MCF2L2: variants seen among roughly 807,000 people sequenced by gnomAD.
MCF2L2 encodes probable guanine nucleotide exchange factor MCF2L2.
A neutral mutation model predicts 150.2 loss-of-function variants in MCF2L2; 102 were observed. That is an observed-to-expected ratio of 0.68 (90% CI 0.58 to 0.80). The LOEUF is 0.80. MCF2L2 is among the 30% of genes least tolerant of loss of function. The pLI, the probability that MCF2L2 is intolerant of heterozygous loss-of-function variation, is 0.00. For synonymous variants in MCF2L2, 465 were observed against 491.3 expected (o/e 0.95, Z 0.71); for missense variants, 1,256 against 1,372.8 (o/e 0.91, Z 1.34).
chr3:183,257,704 C>T (rs1371764202), intron 15 of MCF2L2, among the ~76,000 whole-genome samples: 1 of 152,198 alleles, frequency 6.6e-6, no homozygotes, highest in Non-Finnish European at 1.5e-5. Flanking sequence ...TAGGAACTGC[C>T]ACTGGGCAAC....
intron 2 of MCF2L2, among the ~76,000 whole-genome samples, chr3:183,385,637 C>A (rs1483745956): frequency 1.3e-5 from 2 of 152,168 alleles, no homozygotes; most frequent in East Asian, 3.8e-4. Flanking sequence ...AAGTGGGAAA[C>A]AACCATCAAG....
At chr3:183,200,727 G>C (rs1338756709) in intron 25 of MCF2L2, among the ~76,000 whole-genome samples, 1 of 152,096 alleles carries the variant, frequency 6.6e-6, no homozygotes, top group Non-Finnish European at 1.5e-5. Flanking sequence ...GTATTGCCTA[G>C]GTTTTCTTCT....
At position 183,295,494 on chromosome 3, in the gene MCF2L2, A is replaced by G. The variant is rs1163287552; in HGVS notation, c.1498-17T>C. 5.6e-6 allele frequency: 9 copies of G among 1,613,170 alleles called. No homozygotes were observed. Among genetic ancestry groups the G allele is most frequent in the South Asian group, 1.1e-5 (1 of 91,056 alleles). On this transcript the variant is annotated splice_polypyrimidine_tract_variant and intron_variant, in intron 12 of 29. Coordinates refer to ENST00000328913, the MANE Select transcript of MCF2L2 (RefSeq NM_015078.4). ...GGCTTTGGCCTACAGTAACAAAAGC[A>G]AATCATGATGAACAGGTCTCTCTGT...
chr3:183,220,027 A>G (rs1723089378), intron 20 of MCF2L2, 103 bp from the exon 21 acceptor site: 2 of 801,240 alleles, frequency 2.5e-6, no homozygotes, highest in Admixed American at 3.9e-5. Context: ...CACCAATGCT[A>G]AGCTGACTGA....
chr3:183,202,437 T>C (rs1325138278), intron 25 of MCF2L2, among the ~76,000 whole-genome samples: 1 of 152,224 alleles, frequency 6.6e-6, no homozygotes, highest in East Asian at 1.9e-4. Context: ...ACACATTTCC[T>C]GTGAACATGT....
intron 3 of MCF2L2, among the ~76,000 whole-genome samples, chr3:183,343,777 G>T (rs1184271756): frequency 6.6e-6 from 1 of 152,082 alleles, no homozygotes; most frequent in Non-Finnish European, 1.5e-5. Context: ...TTTCTCTGAG[G>T]ACTACTAACT....
chr3:183,400,604 G>C (rs761559731), intron 1 of MCF2L2: 4 of 377,244 alleles, frequency 1.1e-5, no homozygotes, highest in Admixed American at 3.2e-5. Flanking sequence ...AAGTTCACTC[G>C]AGGTCATTTC....
chr3:183,363,409 A>C (rs1712331397), intron 3 of MCF2L2, among the ~76,000 whole-genome samples: 1 of 152,262 alleles, frequency 6.6e-6, no homozygotes, highest in Non-Finnish European at 1.5e-5. Flanking sequence ...AAAACTGAAA[A>C]TACTCATGAT....
At chr3:183,346,946 T>C (rs903657678) in intron 3 of MCF2L2, among the ~76,000 whole-genome samples, 2 of 152,136 alleles carry the variant, frequency 1.3e-5, no homozygotes, top group African/African-American at 2.4e-5. Context: ...TGCTCATGGA[T>C]AGGAAGAATC....
chr3:183,278,102 T>G (rs1459462352), intron 14 of MCF2L2, among the ~76,000 whole-genome samples: 3 of 151,544 alleles, frequency 2.0e-5, no homozygotes, highest in Non-Finnish European at 4.4e-5. Context: ...GAGAATCACT[T>G]GAGCCTGGGA....
At chr3:183,285,580 C>G (rs1336047084) in intron 14 of MCF2L2, among the ~76,000 whole-genome samples, 2 of 152,224 alleles carry the variant, frequency 1.3e-5, no homozygotes, top group African/African-American at 4.8e-5. Flanking sequence ...AGTACAATGT[C>G]TGGCCTTCAG....
At chr3:183,361,282 T>G (rs1479577569) in intron 3 of MCF2L2, among the ~76,000 whole-genome samples, 1 of 152,136 alleles carries the variant, frequency 6.6e-6, no homozygotes, top group Non-Finnish European at 1.5e-5. Context: ...TGCTGTTGTT[T>G]AACAGCAGAT....
rs937270226 is a variant in MCF2L2, at chr3:183,216,199, C to A, written c.2371-105G>T. The A allele has an allele frequency of 4.3e-5, 53 of 1,225,566 alleles. No individual in the cohort carries two copies. The Middle Eastern group carries it at 9.8e-4, about 23-fold the overall frequency. 75.9% of individuals were successfully genotyped at this position (1,225,566 alleles called of 1,614,324 possible). ...GAGCCAGGGATCCAGCCAACCCTGA[C>A]TGAGAAGGGTGGATATTGATCTGTC... is the stretch of plus-strand genomic sequence containing the variant. On this transcript the variant is annotated intron_variant, in intron 21 of 29. Transcript: ENST00000328913.
chr3:183,251,388 T>C (rs1250579003), intron 15 of MCF2L2, among the ~76,000 whole-genome samples: 1 of 152,152 alleles, frequency 6.6e-6, no homozygotes, highest in Non-Finnish European at 1.5e-5. Flanking sequence ...GTACTCAGGG[T>C]TTAGTCTCCC....
At chr3:183,292,729 A>G (rs1728234576) in intron 13 of MCF2L2, among the ~76,000 whole-genome samples, 1 of 152,200 alleles carries the variant, frequency 6.6e-6, no homozygotes, top group South Asian at 2.1e-4. Flanking sequence ...TGGGGAGCAT[A>G]TGGAAGTATG....
chr3:183,178,060 T>C lies in MCF2L2; in HGVS notation c.*1320A>G, dbSNP rs1230444051. ...CAGTAGTTCATGAACTTCCAGTGAGTGTTTAATAGTCAAATAAGTTACTGT... is the reference window on the plus strand; with the variant it reads ...CAGTAGTTCATGAACTTCCAGTGAGCGTTTAATAGTCAAATAAGTTACTGT... On this transcript the variant is annotated 3_prime_UTR_variant, in exon 30 of 30. Transcript: ENST00000328913. 1 of 152,166 alleles carries C rather than the reference T, an allele frequency of 6.6e-6. No homozygotes were observed. Among genetic ancestry groups the C allele is most frequent in the Non-Finnish European group, 1.5e-5 (1 of 68,030 alleles). 9.4% of individuals were successfully genotyped at this position (152,166 alleles called of 1,614,324 possible).
At chr3:183,315,238 C>A (rs371655330) in intron 7 of MCF2L2, among the ~76,000 whole-genome samples, 3 of 151,894 alleles carry the variant, frequency 2.0e-5, no homozygotes, top group African/African-American at 7.3e-5. Flanking sequence ...CCACTGTGCC[C>A]AGCCTGTATT....
intron 5 of MCF2L2, among the ~76,000 whole-genome samples, chr3:183,327,345 T>C (rs999005284): frequency 1.3e-5 from 2 of 151,664 alleles, no homozygotes; most frequent in Non-Finnish European, 2.9e-5. Flanking sequence ...TAAAAATAAA[T>C]AAATAAATAA....
At chr3:183,371,164 T>A (rs1452170977) in intron 3 of MCF2L2, among the ~76,000 whole-genome samples, 1 of 152,212 alleles carries the variant, frequency 6.6e-6, no homozygotes, top group Non-Finnish European at 1.5e-5. Flanking sequence ...GTATTTTCCA[T>A]TGCCTTCTGT....
Sources: gnomAD v4.1 joint callset for allele counts (sites outside exome capture counted in the v4.1 genomes callset) on GRCh38, gnomAD v4.1.1 for gene constraint, MANE v1.5 for transcripts, NCBI Gene and HGNC (gene_info 2026-07-23, HGNC 2026-07-21) for gene names.